Variants in INPP4A observed in about 807,000 individuals in gnomAD.
INPP4A encodes the protein inositol polyphosphate-4-phosphatase, type I, 107kD.
In INPP4A, 33 loss-of-function variants were observed where a neutral mutation model predicts 119.8. That is an observed-to-expected ratio of 0.28 (90% CI 0.21 to 0.37). The LOEUF (loss-of-function observed/expected upper bound fraction) is 0.37, where lower values mean the gene tolerates loss of function less well. INPP4A is among the 10% of genes least tolerant of loss of function. INPP4A has a pLI of 1.00. For missense variants in INPP4A, 956 were observed against 1,289.9 expected (o/e 0.74, Z 3.97); for synonymous variants, 496 against 500.7 (o/e 0.99, Z 0.12).
At chr2:98,479,114 C>T (rs990370351) in intron 1 of INPP4A, among the ~76,000 whole-genome samples, 13 of 152,136 alleles carry the variant, frequency 8.5e-5, no homozygotes, top group Admixed American at 8.5e-4. Flanking sequence ...CTTCCAGTTG[C>T]CCTAGAGTGC....
At chr2:98,586,937 C>T (rs1700015079) in intron 24 of INPP4A, among the ~76,000 whole-genome samples, 1 of 152,206 alleles carries the variant, frequency 6.6e-6, no homozygotes, top group African/African-American at 2.4e-5. Flanking sequence ...AACAACTGTC[C>T]TCCAGGAGAC....
intron 1 of INPP4A, among the ~76,000 whole-genome samples, chr2:98,462,651 G>A (rs1027553878): frequency 2.0e-4 from 30 of 150,962 alleles, no homozygotes; most frequent in African/African-American, 7.1e-4. Flanking sequence ...TTAGCCTCCT[G>A]AGTAGCTGGG....
chr2:98,455,183 A>T (rs1413293304), intron 1 of INPP4A, among the ~76,000 whole-genome samples: 1 of 152,028 alleles, frequency 6.6e-6, no homozygotes, highest in Non-Finnish European at 1.5e-5. Flanking sequence ...ACTAAAAATT[A>T]AAAAATTAGC....
intron 1 of INPP4A, among the ~76,000 whole-genome samples, chr2:98,505,856 C>T (rs751086686): frequency 5.3e-5 from 8 of 152,172 alleles, no homozygotes; most frequent in Non-Finnish European, 1.0e-4. Flanking sequence ...TGCTTTTTCA[C>T]TTTGCTATTA....
intron 10 of INPP4A, among the ~76,000 whole-genome samples, chr2:98,543,076 C>T (rs879409962): frequency 3.9e-5 from 6 of 152,216 alleles, no homozygotes; most frequent in East Asian, 1.9e-4. Flanking sequence ...CCCACCACCA[C>T]GCCCGGCTAA....
chr2:98,557,051 A>T (rs1418947388), intron 16 of INPP4A, among the ~76,000 whole-genome samples: 2 of 152,202 alleles, frequency 1.3e-5, no homozygotes, highest in Admixed American at 6.5e-5. Flanking sequence ...TCTACAGATA[A>T]TGAAAAGGGT....
chr2:98,545,478 T>C (rs1411459587), intron 11 of INPP4A, among the ~76,000 whole-genome samples: 2 of 152,214 alleles, frequency 1.3e-5, no homozygotes, highest in African/African-American at 4.8e-5. Flanking sequence ...CCTGCAGGGA[T>C]GAGAAGGCCT....
chr2:98,530,871 G>A (rs1391978093), intron 4 of INPP4A, among the ~76,000 whole-genome samples: 3 of 152,198 alleles, frequency 2.0e-5, no homozygotes, highest in Non-Finnish European at 2.9e-5. Context: ...TGTAGACTGG[G>A]TGACTTAAAA....
intron 8 of INPP4A, among the ~76,000 whole-genome samples, chr2:98,538,511 C>T (rs748228284): frequency 1.3e-5 from 2 of 152,178 alleles, no homozygotes; most frequent in Non-Finnish European, 2.9e-5. Context: ...ATTTCAGAGC[C>T]CTAGCGCTGG....
intron 21 of INPP4A, among the ~76,000 whole-genome samples, chr2:98,567,002 ATTG>A (rs1696584040): frequency 6.6e-6 from 1 of 152,216 alleles, no homozygotes; most frequent in African/African-American, 2.4e-5. Context: ...GTTGATGTCC[ATTG>A]ACGCCTAGGT....
intron 1 of INPP4A, among the ~76,000 whole-genome samples, chr2:98,452,505 A>C (rs1266531276): frequency 6.6e-6 from 1 of 152,180 alleles, no homozygotes; most frequent in East Asian, 1.9e-4. Flanking sequence ...GACAGGGCTG[A>C]CTTTTCCTGA....
intron 1 of INPP4A, among the ~76,000 whole-genome samples, chr2:98,510,553 T>C (rs1042781537): frequency 2.0e-5 from 3 of 152,340 alleles, no homozygotes; most frequent in Admixed American, 6.5e-5. Context: ...CTTCTTGCCA[T>C]GTCCTCACAT....
At chr2:98,486,862 G>A (rs1171097482) in intron 1 of INPP4A, among the ~76,000 whole-genome samples, 3 of 152,246 alleles carry the variant, frequency 2.0e-5, no homozygotes, top group Non-Finnish European at 4.4e-5. Flanking sequence ...GGGCGGGCAA[G>A]GCTGAGTCTA....
At position 98,593,577 on chromosome 2, in the gene INPP4A, C is replaced by G. The variant is rs1700491420; in HGVS notation, c.*5969C>G. ...CCTAAATTTCTAGGTCCATCCCAGA[C>G]TCTCCCCCAAGGTCCAGATTACCTA... On this transcript the variant is annotated 3_prime_UTR_variant, in exon 25 of 25. Coordinates refer to ENST00000409851, the MANE Select transcript of INPP4A (RefSeq NM_001134225.2). The G allele has an allele frequency of 6.6e-6, 1 of 152,250 alleles. No homozygotes were observed. The highest frequency in any genetic ancestry group is 2.1e-4 in the South Asian group (1 of 4,830). 9.4% of individuals were successfully genotyped at this position (152,250 alleles called of 1,614,324 possible). A position where few individuals can be genotyped will look rare whatever the true frequency, so the allele number is the denominator to read the frequency against.
chr2:98,568,841 C>T, intron 22 of INPP4A, 173 bp downstream of exon 22: 1 of 580,624 alleles, frequency 1.7e-6, no homozygotes, highest in African/African-American at 1.9e-5. Context: ...CTTCCCTTGG[C>T]TGTGGCCCTC....
rs1187419898 is a variant in INPP4A, at chr2:98,546,413, G to T, written c.1055-173G>T. Among the ~76,000 whole-genome samples, 1 of 152,214 alleles carries T rather than the reference G, an allele frequency of 6.6e-6. No homozygotes were observed. The highest frequency in any genetic ancestry group is 1.5e-5 in the Non-Finnish European group (1 of 68,038). Reference sequence around the variant, plus strand: ...TAAACCCCTTGTTGCTGAGGTGATGGCACTGGGCTCCAGCAGACCCTTGGG... The same window carrying T: ...TAAACCCCTTGTTGCTGAGGTGATGTCACTGGGCTCCAGCAGACCCTTGGG... On this transcript the variant is annotated intron_variant, in intron 12 of 24. Transcript: ENST00000409851. This position sits in a 1 kb window ranked among gnomAD's most constrained non-coding sequence, Gnocchi z 4.2.
At chr2:98,449,568 G>A (rs1037167786) in intron 1 of INPP4A, among the ~76,000 whole-genome samples, 1 of 152,090 alleles carries the variant, frequency 6.6e-6, no homozygotes, top group Non-Finnish European at 1.5e-5. Context: ...TACTTTCCTT[G>A]TCCCAGCCCT....
intron 6 of INPP4A, 140 bp from the exon 7 acceptor site, chr2:98,535,989 T>C: frequency 8.3e-6 from 6 of 720,610 alleles, no homozygotes; most frequent in Middle Eastern, 4.8e-4. Context: ...TTGCGAATTG[T>C]TAAGCTTTCC....
chr2:98,587,877 C>A lies in INPP4A; in HGVS notation c.*269C>A. ...TAAATAGCCTTTGGCTGTAACTACA[C>A]AGATCTCATCAATAGTTACCTACAT... On this transcript the variant is annotated 3_prime_UTR_variant, in exon 25 of 25. Transcript: ENST00000409851. 1 of 311,958 alleles carries A rather than the reference C, an allele frequency of 3.2e-6. No homozygotes were observed. Among genetic ancestry groups the A allele is most frequent in the Non-Finnish European group, 5.9e-6 (1 of 170,462 alleles). The allele number at this position is 311,958 out of a possible 1,614,324, so 19.3% of individuals were successfully genotyped here.
Sources: allele counts gnomAD v4.1 joint callset (sites outside exome capture counted in the v4.1 genomes callset), GRCh38; gene constraint gnomAD v4.1.1; non-coding constraint Gnocchi (gnomAD v3.1); transcripts MANE v1.5; gene names NCBI Gene and HGNC (gene_info 2026-07-23, HGNC 2026-07-21).